TASP1: variants seen among roughly 807,000 people sequenced by gnomAD.
TASP1 encodes threonine aspartase 1.
Under a neutral mutation model 56.6 loss-of-function variants are expected in TASP1, and 16 were observed. That is an observed-to-expected ratio of 0.28 (90% CI 0.19 to 0.43). The LOEUF is 0.43. Among genes scored for constraint, TASP1 ranks in the 20% least tolerant of loss-of-function variants. TASP1 has a pLI of 1.00. For synonymous variants in TASP1, 179 were observed against 184.2 expected (o/e 0.97, Z 0.23); for missense variants, 393 against 511.6 (o/e 0.77, Z 2.24).
the TASP1 span, among the ~76,000 whole-genome samples, chr20:13,212,489 C>CATT: frequency 4.0e-3 from 610 of 152,226 alleles, 3 homozygotes; most frequent in African/African-American, 0.014. Context: ...ATTACCATCA[C>CATT]GTTGTTAACT....
chr20:13,495,599 A>C (rs2043692052), intron 10 of TASP1, among the ~76,000 whole-genome samples: 1 of 152,194 alleles, frequency 6.6e-6, no homozygotes, highest in Admixed American at 6.5e-5. Flanking sequence ...GTAGCAGATA[A>C]AAGAAGAAAG....
chr20:13,354,783 G>T, the TASP1 span, among the ~76,000 whole-genome samples: 5 of 151,980 alleles, frequency 3.3e-5, no homozygotes. Flanking sequence ...GTGATGGAGG[G>T]ATCCGGCAGG....
chr20:13,197,942 C>A, the TASP1 span, among the ~76,000 whole-genome samples: 1 of 152,118 alleles, frequency 6.6e-6, no homozygotes, highest in South Asian at 2.1e-4. Context: ...AGAAGAGTGT[C>A]ATTTTTATGT....
Position 13,435,064 on chromosome 20 carries a change from T to A in TASP1, c.1076A>T (p.Gln359Leu). 3 of 1,611,066 alleles carry A rather than the reference T, an allele frequency of 1.9e-6. No homozygotes were observed. The highest frequency in any genetic ancestry group is 2.5e-6 in the Non-Finnish European group (3 of 1,178,526). The stretch of plus-strand genomic sequence containing the variant: ...CTTACCTAGAAGTGTCTGCTTATTT[T>A]GGGAGGAGTCAGGCTCGGCAGAACA... ...CRCSAEPDSS[Q>L]NKQTLLVEFL... is the part of the protein sequence containing the mutation. The change falls in exon 12 of 14, where the codon CAA becomes CTA. Residue 359 changes from glutamine to leucine, a missense_variant. Around this residue, in one of 3 missense-constraint regions of TASP1, gnomAD observed 293 missense variants for 354.2 expected, o/e 0.83. Coordinates refer to ENST00000337743, the MANE Select transcript of TASP1 (RefSeq NM_017714.3).
At chr20:13,222,618 T>G in the TASP1 span, among the ~76,000 whole-genome samples, 1 of 152,300 alleles carries the variant, frequency 6.6e-6, no homozygotes, top group East Asian at 1.9e-4. Context: ...CCCAAGGATC[T>G]TCCCCGTTGA....
the TASP1 span, among the ~76,000 whole-genome samples, chr20:13,258,302 A>G: frequency 0.01 from 1,524 of 152,108 alleles, 27 homozygotes; most frequent in African/African-American, 0.035. Context: ...CCAACCCCAC[A>G]GCTCTCTCTT....
chr20:13,494,239 T>G (rs1332060277), intron 10 of TASP1, among the ~76,000 whole-genome samples: 8 of 152,188 alleles, frequency 5.3e-5, no homozygotes. Context: ...GAGTCACTTA[T>G]GACATCTATG....
the TASP1 span, among the ~76,000 whole-genome samples, chr20:13,234,423 G>A: frequency 7.9e-5 from 12 of 152,202 alleles, no homozygotes; most frequent in Non-Finnish European, 1.5e-4. Context: ...AGATGAGTGC[G>A]GGTATCTTTT....
At chr20:13,588,755 A>G (rs754086360) in intron 4 of TASP1, among the ~76,000 whole-genome samples, 4 of 152,198 alleles carry the variant, frequency 2.6e-5, no homozygotes, top group Non-Finnish European at 5.9e-5. Flanking sequence ...AATCTAATTC[A>G]AAATAATCCT....
intron 5 of TASP1, among the ~76,000 whole-genome samples, chr20:13,583,101 A>G (rs2047182846): frequency 6.6e-6 from 1 of 152,174 alleles, no homozygotes; most frequent in Non-Finnish European, 1.5e-5. Context: ...CCATACTCCA[A>G]TTCAGGTCAT....
chr20:13,629,404 T>C (rs2049009843), intron 2 of TASP1, among the ~76,000 whole-genome samples: 2 of 150,356 alleles, frequency 1.3e-5, no homozygotes, highest in South Asian at 4.2e-4. Flanking sequence ...AGCTCAAAGA[T>C]TGTGTAATAA....
chr20:13,600,857 A>T (rs568310062), intron 4 of TASP1, among the ~76,000 whole-genome samples: 12 of 152,314 alleles, frequency 7.9e-5, no homozygotes, highest in African/African-American at 2.9e-4. Flanking sequence ...GAGAGGCCCT[A>T]TAAACAATGA....
chr20:13,423,581 GAAAT>G (rs1486358132), intron 12 of TASP1, among the ~76,000 whole-genome samples: 1 of 152,122 alleles, frequency 6.6e-6, no homozygotes, highest in Non-Finnish European at 1.5e-5. Context: ...CCATTTTTGT[GAAAT>G]AAAATAAAAG....
At chr20:13,119,092 C>T in the TASP1 span, among the ~76,000 whole-genome samples, 1 of 152,200 alleles carries the variant, frequency 6.6e-6, no homozygotes, top group Admixed American at 6.5e-5. Context: ...CCTAGACTGT[C>T]GAAGCAGTAG....
At chr20:13,517,947 A>C (rs547320854) in intron 10 of TASP1, among the ~76,000 whole-genome samples, 1 of 152,266 alleles carries the variant, frequency 6.6e-6, no homozygotes, top group South Asian at 2.1e-4. Flanking sequence ...TGTTATCTGT[A>C]AATGAATATT....
chr20:13,415,245 G>A (rs1231916327), intron 13 of TASP1, among the ~76,000 whole-genome samples: 1 of 152,010 alleles, frequency 6.6e-6, no homozygotes, highest in Non-Finnish European at 1.5e-5. Flanking sequence ...GAAACCAGAG[G>A]GAGAGGAAGG....
intron 11 of TASP1, among the ~76,000 whole-genome samples, chr20:13,443,673 G>A (rs935443609): frequency 6.6e-6 from 1 of 152,186 alleles, no homozygotes. Context: ...TATTGTATTT[G>A]TGCTATAATC....
intron 6 of TASP1, among the ~76,000 whole-genome samples, chr20:13,572,949 A>G (rs2046771187): frequency 6.6e-6 from 1 of 152,136 alleles, no homozygotes; most frequent in African/African-American, 2.4e-5. Flanking sequence ...ATCAAAATAC[A>G]TTGTTTTCAA....
intron 11 of TASP1, among the ~76,000 whole-genome samples, chr20:13,466,824 G>A (rs975778776): frequency 6.6e-6 from 1 of 152,088 alleles, no homozygotes; most frequent in Non-Finnish European, 1.5e-5. Context: ...CTAAAATGTG[G>A]ACATGACTAT....
Sources: gnomAD v4.1 joint callset for allele counts (sites outside exome capture counted in the v4.1 genomes callset) on GRCh38, gnomAD v4.1.1 for gene constraint, gnomAD v4.1.1 regional missense constraint, MANE v1.5 for transcripts, NCBI Gene and HGNC (gene_info 2026-07-23, HGNC 2026-07-21) for gene names.